STK39: variants seen among roughly 807,000 people sequenced by gnomAD.
STK39 encodes STE20/SPS1-related proline-alanine-rich protein kinase.
In STK39, 20 loss-of-function variants were observed where a neutral mutation model predicts 77.8. The ratio of observed to expected loss-of-function variants is 0.26; its 90% CI spans 0.18 to 0.37. The LOEUF is 0.37. STK39 is among the 10% of genes least tolerant of loss of function. The pLI is 1.00. For missense variants in STK39, 479 were observed against 656.5 expected, an observed-to-expected ratio of 0.73 and a Z score of 2.95; for synonymous variants, 246 against 234.1, an observed-to-expected ratio of 1.05 and a Z score of -0.47.
intron 5 of STK39, among the ~76,000 whole-genome samples, chr2:168,147,437 T>C (rs974060428): frequency 7.2e-5 from 11 of 152,226 alleles, no homozygotes; most frequent in Admixed American, 7.2e-4. Context: ...AACTGTATAA[T>C]AATGAGTAGA....
chr2:168,247,311 G>GCCGGGA lies in STK39; in HGVS notation c.124_125insTCCCGG (p.Ala41_Ala42insValPro). ...CGCCGGGGCCGGGGCCGGGGCCGGG[G>GCCGGGA]CCGCGGGAGCTGCCGGGGCCGGCGC... On this transcript the variant is annotated inframe_insertion, in exon 1 of 18. Transcript: ENST00000355999. 1 of 1,039,190 alleles carries GCCGGGA rather than the reference G, an allele frequency of 9.6e-7. No homozygotes were observed. Among genetic ancestry groups the GCCGGGA allele is most frequent in the Non-Finnish European group, 1.2e-6 (1 of 863,078 alleles). The allele number at this position is 1,039,190 out of a possible 1,614,324, so 64.4% of individuals were successfully genotyped here. A position where few individuals can be genotyped will look rare whatever the true frequency, so the allele number is the denominator to read the frequency against.
intron 10 of STK39, among the ~76,000 whole-genome samples, chr2:168,090,080 T>G (rs1479001161): frequency 1.3e-5 from 2 of 152,230 alleles, no homozygotes; most frequent in Non-Finnish European, 2.9e-5. Flanking sequence ...TTTGTGTTCT[T>G]CTACATTCTG....
At chr2:168,132,447 G>A (rs1687723617) in intron 8 of STK39, among the ~76,000 whole-genome samples, 1 of 151,896 alleles carries the variant, frequency 6.6e-6, no homozygotes, top group South Asian at 2.1e-4. Context: ...CATTTCAGTG[G>A]CCTGAGACAG....
intron 10 of STK39, among the ~76,000 whole-genome samples, chr2:168,087,222 A>G (rs1348281811): frequency 6.6e-6 from 1 of 152,208 alleles, no homozygotes; most frequent in Non-Finnish European, 1.5e-5. Context: ...CCTGCAGAAG[A>G]AAGAGGGGTG....
intron 14 of STK39, among the ~76,000 whole-genome samples, chr2:168,059,759 C>G (rs1452966559): frequency 6.6e-6 from 1 of 152,198 alleles, no homozygotes; most frequent in Non-Finnish European, 1.5e-5. Context: ...CACACAGCAA[C>G]AGAAATCTAA....
chr2:168,127,297 C>T (rs944994460), intron 10 of STK39, among the ~76,000 whole-genome samples: 2 of 152,040 alleles, frequency 1.3e-5, no homozygotes, highest in South Asian at 2.1e-4. Context: ...ACTACAGGTG[C>T]CTACCACCAC....
At chr2:168,072,537 T>C (rs899262007) in intron 12 of STK39, among the ~76,000 whole-genome samples, 13 of 152,202 alleles carry the variant, frequency 8.5e-5, no homozygotes, top group African/African-American at 3.1e-4. Flanking sequence ...AAGGCTATTA[T>C]ATATTGTTTA....
chr2:168,095,492 C>T (rs939124453), intron 10 of STK39, among the ~76,000 whole-genome samples: 1 of 152,046 alleles, frequency 6.6e-6, no homozygotes, highest in African/African-American at 2.4e-5. Context: ...TCTCCCAGAA[C>T]ACTTTTTTTC....
chr2:168,095,877 A>C (rs960822639), intron 10 of STK39, among the ~76,000 whole-genome samples: 4 of 152,112 alleles, frequency 2.6e-5, no homozygotes, highest in African/African-American at 9.7e-5. Flanking sequence ...TCTTTTGTTG[A>C]AAGACAAATC....
At chr2:168,018,564 AAGAAAGAAAGAAAG>A (rs556314464) in intron 14 of STK39, among the ~76,000 whole-genome samples, 2,658 of 148,694 alleles carry the variant, frequency 0.018, 103 homozygotes, top group African/African-American at 0.062. Context: ...GAAAGAAAGA[AAGAAAGAAAGAAAG>A]AAAGAAAGAA....
chr2:168,108,452 G>A (rs1687035981), intron 10 of STK39, among the ~76,000 whole-genome samples: 1 of 152,104 alleles, frequency 6.6e-6, no homozygotes, highest in Non-Finnish European at 1.5e-5. Context: ...GGAGGCTGAG[G>A]TGGCAGGATC....
At chr2:168,183,460 A>G (rs185810855) in intron 1 of STK39, among the ~76,000 whole-genome samples, 10 of 152,242 alleles carry the variant, frequency 6.6e-5, no homozygotes, top group Non-Finnish European at 1.3e-4. Flanking sequence ...GGTCACATAG[A>G]GCTAATAAGT....
intron 10 of STK39, among the ~76,000 whole-genome samples, chr2:168,112,757 A>T (rs1261740966): frequency 2.0e-5 from 3 of 152,076 alleles, no homozygotes; most frequent in Non-Finnish European, 4.4e-5. Flanking sequence ...ACCTTTGTCT[A>T]CCTCATGGCG....
At chr2:167,989,995 G>C (rs1683657347) in intron 16 of STK39, among the ~76,000 whole-genome samples, 1 of 151,956 alleles carries the variant, frequency 6.6e-6, no homozygotes. Flanking sequence ...TAACACAAGG[G>C]CTAAAACGAC....
At chr2:168,036,257 T>C (rs1324168450) in intron 14 of STK39, among the ~76,000 whole-genome samples, 2 of 150,726 alleles carry the variant, frequency 1.3e-5, no homozygotes, top group East Asian at 3.9e-4. Context: ...GGTTGAAAGA[T>C]GAGAAAGCTG....
At chr2:168,046,736 G>A (rs1484421186) in intron 14 of STK39, among the ~76,000 whole-genome samples, 2 of 152,230 alleles carry the variant, frequency 1.3e-5, no homozygotes, top group African/African-American at 4.8e-5. Flanking sequence ...CCCAAAAAGG[G>A]GAGAAAGGGT....
intron 10 of STK39, 152 bp from the exon 11 acceptor site, chr2:168,075,383 G>T (rs1574443514): frequency 4.6e-6 from 5 of 1,096,172 alleles, no homozygotes; most frequent in Non-Finnish European, 6.5e-6. Flanking sequence ...GATCCAAAAA[G>T]ACTACACAGC....
chr2:168,153,865 C>T (rs957691269), intron 5 of STK39, among the ~76,000 whole-genome samples: 1 of 152,134 alleles, frequency 6.6e-6, no homozygotes, highest in African/African-American at 2.4e-5. Flanking sequence ...CCTCACGAGC[C>T]ACCTTAAGGA....
At chr2:168,069,905 A>G (rs974684897) in intron 12 of STK39, among the ~76,000 whole-genome samples, 1 of 152,224 alleles carries the variant, frequency 6.6e-6, no homozygotes, top group Non-Finnish European at 1.5e-5. Context: ...AAGCCTTAGC[A>G]AATGCCCTCC....
Sources: gnomAD v4.1 joint callset for allele counts (sites outside exome capture counted in the v4.1 genomes callset) on GRCh38, gnomAD v4.1.1 for gene constraint, MANE v1.5 for transcripts, NCBI Gene and HGNC (gene_info 2026-07-23, HGNC 2026-07-21) for gene names.